Variants in CTBP1 observed in about 807,000 individuals in gnomAD.
CTBP1 encodes C-terminal binding protein 1.
In CTBP1, 11 loss-of-function variants were observed where a neutral mutation model predicts 42.1. The ratio of observed to expected loss-of-function variants is 0.26; its 90% CI spans 0.16 to 0.43. The LOEUF is 0.43. Ranked by LOEUF, CTBP1 falls within the 20% of genes least tolerant of loss-of-function variation. CTBP1 has a pLI of 1.00. For synonymous variants in CTBP1, 324 were observed against 277.1 expected (o/e 1.17, Z -1.68); for missense variants, 399 against 624.3 (o/e 0.64, Z 3.85).
At chr4:1,232,653 C>A (rs1483024296) in intron 3 of CTBP1, among the ~76,000 whole-genome samples, 6 of 152,184 alleles carry the variant, frequency 3.9e-5, no homozygotes, top group African/African-American at 1.4e-4. Context: ...ATTAAAGTGA[C>A]CTTTTCCTCT....
intron 1 of CTBP1, chr4:1,244,011 C>G (rs1732455616): frequency 1.0e-6 from 1 of 985,314 alleles, no homozygotes; most frequent in Non-Finnish European, 1.2e-6. Flanking sequence ...TAAGACTGCT[C>G]TAAAACAAAA....
intron 6 of CTBP1, chr4:1,215,442 G>T (rs528337327): frequency 7.6e-4 from 153 of 202,022 alleles, no homozygotes; most frequent in African/African-American, 3.5e-3. Context: ...GAGCCAGCGG[G>T]AGGCAGCCAT....
intron 5 of CTBP1, among the ~76,000 whole-genome samples, chr4:1,220,557 C>T (rs1266518645): frequency 6.6e-6 from 1 of 152,232 alleles, no homozygotes; most frequent in African/African-American, 2.4e-5. Context: ...AAATGCACAG[C>T]AGGACCTAAA....
chr4:1,212,720 A>G, intron 9 of CTBP1, 193 bp downstream of exon 9: 1 of 629,150 alleles, frequency 1.6e-6, no homozygotes, highest in Non-Finnish European at 2.8e-6. Context: ...CCTGAAGGCC[A>G]CCCCAGCCCA....
intron 1 of CTBP1, chr4:1,244,349 GGCACT>G: frequency 2.3e-6 from 2 of 854,678 alleles, no homozygotes; most frequent in Non-Finnish European, 2.6e-6. Context: ...TGGGTCTCTG[GGCACT>G]GGGGGGGGGG....
intron 1 of CTBP1, chr4:1,241,758 C>T (rs758612764): frequency 3.5e-5 from 42 of 1,193,234 alleles, no homozygotes; most frequent in Non-Finnish European, 4.3e-5. Context: ...GCCCCTGTGG[C>T]CCCGAGGCCT....
chr4:1,215,846 C>T (rs1729049302), intron 6 of CTBP1, 145 bp downstream of exon 6: 5 of 818,600 alleles, frequency 6.1e-6, no homozygotes, highest in African/African-American at 5.1e-5. Context: ...GGGCTTCCCC[C>T]AGCAGGGCTG....
intron 3 of CTBP1, chr4:1,237,060 T>A: frequency 1.6e-6 from 1 of 629,582 alleles, no homozygotes; most frequent in Middle Eastern, 2.6e-4. Flanking sequence ...ACAAACCGAG[T>A]GTGGGGCTCA....
chr4:1,214,495 C>G, intron 6 of CTBP1, 22 bp from the exon 7 acceptor site: 1 of 1,552,468 alleles, frequency 6.4e-7, no homozygotes, highest in Non-Finnish European at 8.6e-7. Flanking sequence ...AAGGACAGGC[C>G]AGGCCCAGTC....
At chr4:1,234,501 G>A (rs1731283029) in intron 3 of CTBP1, among the ~76,000 whole-genome samples, 1 of 152,182 alleles carries the variant, frequency 6.6e-6, no homozygotes, top group African/African-American at 2.4e-5. Context: ...GTGCAGCCTG[G>A]GTGGGGAGCA....
intron 1 of CTBP1, chr4:1,248,537 C>T (rs1366059024): frequency 8.8e-6 from 3 of 339,398 alleles, no homozygotes; most frequent in African/African-American, 2.2e-5. Context: ...GGGTCATGAC[C>T]GGGGACGGGG....
intron 1 of CTBP1, chr4:1,245,352 T>C: frequency 1.0e-6 from 1 of 985,416 alleles, no homozygotes; most frequent in Non-Finnish European, 1.2e-6. Context: ...ACACAACCTG[T>C]GAGCTCCAGG....
At chr4:1,234,869 G>A (rs1274245740) in intron 3 of CTBP1, 1 of 152,206 alleles carries the variant, frequency 6.6e-6, no homozygotes, top group African/African-American at 2.4e-5. Context: ...ACATGCCCAC[G>A]TGACGTGCCA....
chr4:1,212,918 G>A lies in CTBP1; in HGVS notation c.1101C>T (p.Ala367=). ...GGGCCAGCGGGCCTGCTCACCTATA[G>A]GCAGCCCCATTGAGCTCAGGGTGCA... ...AVVHPELNGA[A]YRYPPGVVGV... The change falls in exon 9 of 10, where the codon GCC becomes GCT. Residue 367 remains alanine, a synonymous_variant. Transcript: ENST00000382952. 6.2e-7 allele frequency: 1 copy of A among 1,613,338 alleles called. No individual in the cohort carries two copies. The highest frequency in any genetic ancestry group is 8.5e-7 in the Non-Finnish European group (1 of 1,179,716).
intron 3 of CTBP1, among the ~76,000 whole-genome samples, chr4:1,232,115 C>T (rs1731025596): frequency 6.6e-6 from 1 of 152,218 alleles, no homozygotes; most frequent in Admixed American, 6.5e-5. Context: ...GTAATCATGA[C>T]TCGCTGCAGC....
rs564743062 is a variant in CTBP1, at chr4:1,238,906, C to T, written c.8-569G>A. Among the ~76,000 whole-genome samples the T allele has an allele frequency of 1.3e-5, 2 of 152,174 alleles. No individual in the cohort carries two copies. Among genetic ancestry groups the T allele is most frequent in the African/African-American group, 4.8e-5 (2 of 41,516 alleles). ...CACTGGAGGACACAAGATGACAGCA[C>T]GGGACTTTGGGAACATGGTTGTCCC... On this transcript the variant is annotated intron_variant, in intron 2 of 9. Coordinates refer to ENST00000382952, the MANE Select transcript of CTBP1 (RefSeq NM_001012614.2). This position sits in a 1 kb window ranked among gnomAD's most constrained non-coding sequence, Gnocchi z 5.9.
Position 1,212,199 on chromosome 4 carries a change from G to A in CTBP1, c.*41C>T. ...CACACTCTGGTCCGAGGGTTTCCGGGCCCTCTGCCCAGGCGCCGAGGCTGG... is the reference window on the plus strand; with the variant it reads ...CACACTCTGGTCCGAGGGTTTCCGGACCCTCTGCCCAGGCGCCGAGGCTGG... On this transcript the variant is annotated 3_prime_UTR_variant, in exon 10 of 10. Transcript: ENST00000382952. 7.2e-7 allele frequency: 1 copy of A among 1,388,336 alleles called. No individual in the cohort carries two copies. The highest frequency in any genetic ancestry group is 9.4e-7 in the Non-Finnish European group (1 of 1,062,900). 86.0% of individuals were successfully genotyped at this position (1,388,336 alleles called of 1,614,324 possible).
At chr4:1,216,933 T>C (rs1729189939) in intron 5 of CTBP1, 1 of 152,996 alleles carries the variant, frequency 6.5e-6, no homozygotes, top group African/African-American at 2.4e-5. Context: ...CCCGCGAACG[T>C]GGTGTCTCCT....
chr4:1,229,396 C>A (rs929758414), intron 3 of CTBP1, among the ~76,000 whole-genome samples: 1 of 152,256 alleles, frequency 6.6e-6, no homozygotes, highest in African/African-American at 2.4e-5. Flanking sequence ...GCTGAGGACA[C>A]CAGGACATGC....
Sources: gnomAD v4.1 joint callset for allele counts (sites outside exome capture counted in the v4.1 genomes callset) on GRCh38, gnomAD v4.1.1 for gene constraint, Gnocchi (gnomAD v3.1) non-coding constraint, MANE v1.5 for transcripts, NCBI Gene and HGNC (gene_info 2026-07-23, HGNC 2026-07-21) for gene names.